The following GAL3ST2 variants were observed in gnomAD, a reference collection of about 807,000 sequenced individuals.
GAL3ST2 encodes the protein galactose-3-O-sulfotransferase 2.
In GAL3ST2, 16 loss-of-function variants were observed where a neutral mutation model predicts 12.9. That is an observed-to-expected ratio of 1.24 (90% CI 0.84 to 1.88). The LOEUF is 1.88. GAL3ST2 is among the 40% of genes most tolerant of loss of function. GAL3ST2 has a pLI of 0.00. For missense variants in GAL3ST2, 639 were observed against 571.8 expected (o/e 1.12, Z -1.20); for synonymous variants, 302 against 273.9 (o/e 1.10, Z -1.01).
chr2:241,798,561 C>G (rs553160308), intron 1 of GAL3ST2, among the ~76,000 whole-genome samples: 2 of 152,308 alleles, frequency 1.3e-5, no homozygotes, highest in Non-Finnish European at 2.9e-5. Context: ...TCATCCAACC[C>G]TAACACCTCC....
At chr2:241,781,127 G>C (rs1472421544) in intron 1 of GAL3ST2, among the ~76,000 whole-genome samples, 1 of 152,192 alleles carries the variant, frequency 6.6e-6, no homozygotes, top group East Asian at 1.9e-4. Context: ...ATCAGGTAGA[G>C]AGAAACAAAT....
intron 1 of GAL3ST2, among the ~76,000 whole-genome samples, chr2:241,796,716 G>T (rs1365345791): frequency 6.6e-6 from 1 of 152,240 alleles, no homozygotes; most frequent in East Asian, 1.9e-4. Flanking sequence ...ATCGGCTGGG[G>T]TCGGGGGAGA....
Position 241,795,847 on chromosome 2 carries a change from G to A in GAL3ST2, c.30-3218G>A, listed in dbSNP as rs948704385. On this transcript the variant is annotated intron_variant, in intron 1 of 3. Transcript: ENST00000192314. This position sits in a 1 kb window ranked among gnomAD's most constrained non-coding sequence, Gnocchi z 4.5. Reference sequence around the variant, plus strand: ...CCTCTCGCTCTCCTCTCTGTGCCTGGGAATTCTAGTGTTTACTGGGCCTTG... The same window carrying A: ...CCTCTCGCTCTCCTCTCTGTGCCTGAGAATTCTAGTGTTTACTGGGCCTTG... 6.6e-6 allele frequency among the ~76,000 whole-genome samples: 1 copy of A among 152,226 alleles called. No individual in the cohort carries two copies. Among genetic ancestry groups the A allele is most frequent in the African/African-American group, 2.4e-5 (1 of 41,466 alleles).
Position 241,803,163 on chromosome 2 carries a change from G to A in GAL3ST2, c.376-182G>A, listed in dbSNP as rs369256462. Among the ~76,000 whole-genome samples the A allele has an allele frequency of 4.3e-4, 66 of 152,336 alleles. 2 individuals are homozygous for A. The East Asian group carries it at 0.012, about 28-fold the overall frequency. ...CCAGTGACTGGGCTGCAGGGCCTGC[G>A]TGTGGCCCTGGCTCTGCTCCCGGAG... On this transcript the variant is annotated intron_variant, in intron 3 of 3. Coordinates refer to ENST00000192314, the MANE Select transcript of GAL3ST2 (RefSeq NM_022134.3).
In GAL3ST2 at chr2:241,803,992, C is replaced by G. The variant is rs1423586779; in HGVS notation, c.1023C>G (p.Pro341=). ...AGATCAGAGACCCGCGCCTGCGCCC[C>G]TACCAGTCCGGCAAGGCCGACATCC... ...HTQIRDPRLR[P]YQSGKADILG... The change falls in exon 4 of 4, where the codon CCC becomes CCG. Residue 341 remains proline (P), a synonymous_variant. Transcript: ENST00000192314. The G allele has an allele frequency of 6.4e-7, 1 of 1,561,154 alleles. No individual in the cohort carries two copies. The highest frequency in any genetic ancestry group is 1.8e-5 in the Admixed American group (1 of 54,236).
rs1389883546 is a variant in GAL3ST2, at chr2:241,803,662, C to T, written c.693C>T (p.Asp231=). 4 of 1,549,380 alleles carry T rather than the reference C, an allele frequency of 2.6e-6. No homozygotes were observed. The East Asian group carries it at 7.3e-5, about 28-fold the overall frequency. ...FRLVLIAEHL[D]ESLVLLRRRL... Reference sequence around the variant, plus strand: ...TGGTGCTCATCGCCGAGCACCTGGACGAGTCCCTGGTGCTGCTGCGGCGCC... The same window carrying T: ...TGGTGCTCATCGCCGAGCACCTGGATGAGTCCCTGGTGCTGCTGCGGCGCC... The change falls in exon 4 of 4, where the codon GAC becomes GAT. Residue 231 remains aspartate (D), a synonymous_variant. Coordinates refer to ENST00000192314, the MANE Select transcript of GAL3ST2 (RefSeq NM_022134.3).
intron 1 of GAL3ST2, among the ~76,000 whole-genome samples, chr2:241,782,034 T>G (rs1332593139): frequency 6.6e-6 from 1 of 152,216 alleles, no homozygotes; most frequent in Non-Finnish European, 1.5e-5. Flanking sequence ...TTTTCAAAAT[T>G]TTATAAATGA....
intron 1 of GAL3ST2, among the ~76,000 whole-genome samples, chr2:241,782,122 C>A (rs1699574071): frequency 6.6e-6 from 1 of 152,140 alleles, no homozygotes; most frequent in Non-Finnish European, 1.5e-5. Flanking sequence ...TTGGTTGATG[C>A]TTCAAGAAAA....
At position 241,803,696 on chromosome 2, in the gene GAL3ST2, T is replaced by G. The variant is rs953890062; in HGVS notation, c.727T>G (p.Trp243Gly). The part of the protein sequence containing the change: ...SLVLLRRRLR[W>G]ALDDVVAFRL... ...GGTGCTGCTGCGGCGCCGGCTGCGC[T>G]GGGCGCTGGACGACGTGGTGGCCTT... is the stretch of plus-strand genomic sequence containing the variant. The change falls in exon 4 of 4, where the codon TGG becomes GGG. Residue 243 changes from tryptophan to glycine, a missense_variant. Physicochemically the swap from Trp to Gly is radical, Grantham distance 184 (BLOSUM62 -2). Coordinates refer to ENST00000192314, the MANE Select transcript of GAL3ST2 (RefSeq NM_022134.3). 20 of 1,545,128 alleles carry G rather than the reference T, an allele frequency of 1.3e-5. No individual in the cohort carries two copies. In the South Asian group the frequency reaches 2.3e-4, roughly 18 times the overall value.
intron 1 of GAL3ST2, among the ~76,000 whole-genome samples, chr2:241,794,483 G>C (rs1699747036): frequency 6.6e-6 from 1 of 152,154 alleles, no homozygotes; most frequent in South Asian, 2.1e-4. Flanking sequence ...GACTTGCTGG[G>C]GCCATTTGTC....
In GAL3ST2 at chr2:241,802,791, G is replaced by C. The variant is rs1699870783; in HGVS notation, c.376-554G>C. Among the ~76,000 whole-genome samples, 1 of 152,076 alleles carries C rather than the reference G, an allele frequency of 6.6e-6. No homozygotes were observed. Among genetic ancestry groups the C allele is most frequent in the African/African-American group, 2.4e-5 (1 of 41,406 alleles). ...GCAAGACTTTACTTTCTGTGGGTGG[G>C]GTATATCCTCCAGGACCTCTGAGGG... On this transcript the variant is annotated intron_variant, in intron 3 of 3. Coordinates refer to ENST00000192314, the MANE Select transcript of GAL3ST2 (RefSeq NM_022134.3). The surrounding 1 kb of genome is among the most constrained non-coding windows in gnomAD (Gnocchi z 4.8).
At position 241,800,451 on chromosome 2, in the gene GAL3ST2, G is replaced by A. The variant is rs1199747313; in HGVS notation, c.119+1297G>A. 6.6e-6 allele frequency among the ~76,000 whole-genome samples: 1 copy of A among 152,206 alleles called. No individual in the cohort carries two copies. Among genetic ancestry groups the A allele is most frequent in the Non-Finnish European group, 1.5e-5 (1 of 68,042 alleles). On this transcript the variant is annotated intron_variant, in intron 2 of 3. Transcript: ENST00000192314. The surrounding 1 kb of genome is among the most constrained non-coding windows in gnomAD (Gnocchi z 5.2). ...GGGAGGAGCTGTGGATATTCATGAA[G>A]GGGGTCCTGACGCACGTGTCCTGAA...
At position 241,802,090 on chromosome 2, in the gene GAL3ST2, G is replaced by C; in HGVS notation, c.375+54G>C. 6.5e-7 allele frequency: 1 copy of C among 1,544,716 alleles called. No individual in the cohort carries two copies. Among genetic ancestry groups the C allele is most frequent in the Non-Finnish European group, 8.7e-7 (1 of 1,143,880 alleles). Reference sequence around the variant, plus strand: ...GGGCTGCAGCCGTGCCTGTGGCTGTGGGTCTGGGTGGTGTAGCCTGGAGGC... The same window carrying C: ...GGGCTGCAGCCGTGCCTGTGGCTGTCGGTCTGGGTGGTGTAGCCTGGAGGC... On this transcript the variant is annotated intron_variant, in intron 3 of 3. Coordinates refer to ENST00000192314, the MANE Select transcript of GAL3ST2 (RefSeq NM_022134.3). This position sits in a 1 kb window ranked among gnomAD's most constrained non-coding sequence, Gnocchi z 4.8.
Position 241,801,107 on chromosome 2 carries a change from T to TC in GAL3ST2, c.120-670dup, listed in dbSNP as rs1699837602. 2 of 152,330 alleles carry TC rather than the reference T, an allele frequency of 1.3e-5. No individual in the cohort carries two copies. Among genetic ancestry groups the TC allele is most frequent in the African/African-American group, 4.8e-5 (2 of 41,420 alleles). The allele number at this position is 152,330 out of a possible 1,614,324, so 9.4% of individuals were successfully genotyped here. ...TAGGTATTTGTCCTAATGCTTTCCT[T>TC]CCCCTTACACCCCATCCCCGACAGG... On this transcript the variant is annotated intron_variant, in intron 2 of 3. Transcript: ENST00000192314. The surrounding 1 kb of genome is among the most constrained non-coding windows in gnomAD (Gnocchi z 4.4).
At chr2:241,784,866 C>G (rs575311293) in intron 1 of GAL3ST2, among the ~76,000 whole-genome samples, 1 of 152,272 alleles carries the variant, frequency 6.6e-6, no homozygotes, top group East Asian at 1.9e-4. Context: ...TGGTGAAAAT[C>G]AAATAGCAAA....
chr2:241,801,430 C>A lies in GAL3ST2; in HGVS notation c.120-351C>A, dbSNP rs1362522005. On this transcript the variant is annotated intron_variant, in intron 2 of 3. Transcript: ENST00000192314. The surrounding 1 kb of genome is among the most constrained non-coding windows in gnomAD (Gnocchi z 4.4). The stretch of plus-strand genomic sequence containing the variant: ...AGGGGGTGTGACGAGGCGTCTACCT[C>A]CCATCCCATCACTGCTGGGAACTCA... The A allele has an allele frequency of 5.3e-6, 2 of 380,952 alleles. No homozygotes were observed. The highest frequency in any genetic ancestry group is 9.6e-6 in the Non-Finnish European group (2 of 208,900). 23.6% of individuals were successfully genotyped at this position (380,952 alleles called of 1,614,324 possible).
chr2:241,803,667 C>G lies in GAL3ST2; in HGVS notation c.698C>G (p.Ser233Cys). 6.5e-7 allele frequency: 1 copy of G among 1,548,496 alleles called. No individual in the cohort carries two copies. Among genetic ancestry groups the G allele is most frequent in the Non-Finnish European group, 8.7e-7 (1 of 1,145,716 alleles). ...LVLIAEHLDESLVLLRRRLRW... is the reference protein window; with the variant it reads ...LVLIAEHLDECLVLLRRRLRW... ...CTCATCGCCGAGCACCTGGACGAGTCCCTGGTGCTGCTGCGGCGCCGGCTG... is the reference window on the plus strand; with the variant it reads ...CTCATCGCCGAGCACCTGGACGAGTGCCTGGTGCTGCTGCGGCGCCGGCTG... The change falls in exon 4 of 4, where the codon TCC becomes TGC. Residue 233 changes from serine (S) to cysteine (C), a missense_variant. By Grantham distance (112) the Ser-to-Cys change is moderately radical. Coordinates refer to ENST00000192314, the MANE Select transcript of GAL3ST2 (RefSeq NM_022134.3).
In GAL3ST2 at chr2:241,803,598, T is replaced by C; in HGVS notation, c.629T>C (p.Val210Ala). Residue 210 changes from valine (V) to alanine (A), a missense_variant, in exon 4 of 4, where the codon GTG (valine) becomes GCG (alanine). Val to Ala is a moderately conservative substitution (Grantham distance 64). Coordinates refer to ENST00000192314, the MANE Select transcript of GAL3ST2 (RefSeq NM_022134.3). ...AACGCGCAGTGCGAGGAGGGCTACG[T>C]GCGCGCGCGCATCGCCGAGGTGGAG... The part of the protein sequence containing the change: ...DPNAQCEEGY[V>A]RARIAEVERR... 6.4e-7 allele frequency: 1 copy of C among 1,573,840 alleles called. No homozygotes were observed. The highest frequency in any genetic ancestry group is 8.6e-7 in the Non-Finnish European group (1 of 1,158,814).
intron 2 of GAL3ST2, 67 bp downstream of exon 2, chr2:241,799,221 G>A: frequency 7.2e-7 from 1 of 1,390,062 alleles, no homozygotes; most frequent in Non-Finnish European, 1.0e-6. Context: ...ACAGAGCCTG[G>A]GACCCCAGCA....
Sources: gnomAD v4.1 joint callset for allele counts (sites outside exome capture counted in the v4.1 genomes callset) on GRCh38, gnomAD v4.1.1 for gene constraint, Gnocchi (gnomAD v3.1) non-coding constraint, MANE v1.5 for transcripts, NCBI Gene and HGNC (gene_info 2026-07-23, HGNC 2026-07-21) for gene names.